HDAC4: variants seen among roughly 807,000 people sequenced by gnomAD.
The protein encoded by HDAC4 is histone deacetylase A.
HDAC4 carries 16 observed loss-of-function variants against 135.1 expected under a neutral mutation model. The observed-to-expected ratio is 0.12, with a 90% confidence interval of 0.08 to 0.18. HDAC4 has a LOEUF of 0.18. Among genes scored for constraint, HDAC4 ranks in the 10% least tolerant of loss-of-function variants. The pLI is 1.00. For missense variants in HDAC4, 1,143 were observed against 1,511.8 expected, an observed-to-expected ratio of 0.76 and a Z score of 4.05; for synonymous variants, 685 against 653.4, an observed-to-expected ratio of 1.05 and a Z score of -0.74.
At chr2:239,241,571 G>A (rs1309047028) in intron 2 of HDAC4, among the ~76,000 whole-genome samples, 3 of 152,124 alleles carry the variant, frequency 2.0e-5, no homozygotes, top group Admixed American at 2.0e-4. Context: ...CCTCTCAAAG[G>A]TCCTATTTCT....
intron 24 of HDAC4, among the ~76,000 whole-genome samples, chr2:239,066,487 CACG>C (rs1325102980): frequency 6.6e-6 from 1 of 152,240 alleles, no homozygotes; most frequent in African/African-American, 2.4e-5. Context: ...GCCATCTTCT[CACG>C]ACAAGAGGGC....
intron 9 of HDAC4, among the ~76,000 whole-genome samples, chr2:239,137,544 G>A (rs571405393): frequency 3.3e-5 from 5 of 152,168 alleles, no homozygotes; most frequent in African/African-American, 1.2e-4. Flanking sequence ...GGTCCAGGGG[G>A]CCTTCAAGGT....
chr2:239,261,308 G>A (rs1176378910), intron 2 of HDAC4, among the ~76,000 whole-genome samples: 2 of 152,292 alleles, frequency 1.3e-5, no homozygotes, highest in Non-Finnish European at 2.9e-5. Context: ...CAGGTAACAC[G>A]CTAGAGATGA....
chr2:239,374,171 C>T (rs940922116), intron 1 of HDAC4, among the ~76,000 whole-genome samples: 13 of 152,048 alleles, frequency 8.5e-5, no homozygotes, highest in African/African-American at 2.4e-4. Context: ...GAACTTCAGC[C>T]GGTGAACAGC....
intron 3 of HDAC4, among the ~76,000 whole-genome samples, chr2:239,205,272 C>G (rs1575403467): frequency 1.3e-5 from 2 of 152,132 alleles, no homozygotes; most frequent in African/African-American, 2.4e-5. Flanking sequence ...GAAAGCACAA[C>G]GATGCATGAA....
At chr2:239,132,947 T>C (rs1419430855) in intron 11 of HDAC4, among the ~76,000 whole-genome samples, 2 of 152,108 alleles carry the variant, frequency 1.3e-5, no homozygotes, top group Non-Finnish European at 2.9e-5. Flanking sequence ...CTCAGATACA[T>C]TCCTCCAGAG....
At chr2:239,387,112 G>A (rs1276292368) in intron 1 of HDAC4, among the ~76,000 whole-genome samples, 3 of 152,250 alleles carry the variant, frequency 2.0e-5, no homozygotes. Context: ...GCTGTGTGTG[G>A]CACGTGCACA....
At chr2:239,183,012 G>A (rs573581476) in intron 4 of HDAC4, among the ~76,000 whole-genome samples, 5 of 152,172 alleles carry the variant, frequency 3.3e-5, no homozygotes, top group East Asian at 1.9e-4. Flanking sequence ...CTAGTCCCTC[G>A]CTAACTTTAC....
At position 239,072,753 on chromosome 2, in the gene HDAC4, A is replaced by G. The variant is rs536343004; in HGVS notation, c.2751-4146T>C. 9.2e-5 allele frequency among the ~76,000 whole-genome samples: 14 copies of G among 152,356 alleles called. No homozygotes were observed. The East Asian group carries it at 2.1e-3, about 23-fold the overall frequency. On this transcript the variant is annotated intron_variant, in intron 22 of 26. Coordinates refer to ENST00000543185, the MANE Select transcript of HDAC4 (RefSeq NM_001378414.1). ...CCCCACTGATGTCACTGAAAGTATC[A>G]ACTTTGACCAGAAGAAACAAAAATG...
At chr2:239,346,241 C>A (rs1182249878) in intron 2 of HDAC4, among the ~76,000 whole-genome samples, 1 of 147,672 alleles carries the variant, frequency 6.8e-6, no homozygotes, top group African/African-American at 2.5e-5. Context: ...AAAACACACA[C>A]CCATACTTTA....
rs764773329 is a variant in HDAC4, at chr2:239,126,560, G to C, written c.1429C>G (p.Gln477Glu). 1 of 1,613,724 alleles carries C rather than the reference G, an allele frequency of 6.2e-7. No individual in the cohort carries two copies. Among genetic ancestry groups the C allele is most frequent in the East Asian group, 2.2e-5 (1 of 44,868 alleles). Reference protein sequence around the residue: ...LGRTQSAPLPQNAQALQHLVI... With the variant: ...LGRTQSAPLPENAQALQHLVI... Reference sequence around the variant, plus strand: ...AGGTGCTGCAGAGCCTGGGCGTTCTGGGGCAGCGGGGCCGACTGGGTCCGC... The same window carrying C: ...AGGTGCTGCAGAGCCTGGGCGTTCTCGGGCAGCGGGGCCGACTGGGTCCGC... The change falls in exon 12 of 27, where the codon CAG (glutamine) becomes GAG (glutamate). Residue 477 changes from glutamine to glutamate, a missense_variant. This residue lies in a region of HDAC4 where 272 missense variants were observed against 309.7 expected (regional missense o/e 0.88). Coordinates refer to ENST00000543185, the MANE Select transcript of HDAC4 (RefSeq NM_001378414.1).
At chr2:239,298,232 G>A (rs2052030936) in intron 2 of HDAC4, 1 of 1,289,382 alleles carries the variant, frequency 7.8e-7, no homozygotes, top group Non-Finnish European at 1.0e-6. Context: ...GAAGCAGCCA[G>A]ACCTAAGATC....
At chr2:239,083,240 G>T (rs896381308) in intron 20 of HDAC4, among the ~76,000 whole-genome samples, 1 of 152,256 alleles carries the variant, frequency 6.6e-6, no homozygotes, top group Non-Finnish European at 1.5e-5. Flanking sequence ...TCACTCTTTT[G>T]GGGATGGGTC....
At chr2:239,387,041 G>A (rs893024564) in intron 1 of HDAC4, among the ~76,000 whole-genome samples, 2 of 152,242 alleles carry the variant, frequency 1.3e-5, no homozygotes, top group Admixed American at 1.3e-4. Flanking sequence ...CTGTCCGTGC[G>A]TCTATCTGTA....
At chr2:239,212,481 C>A (rs896010901) in intron 3 of HDAC4, among the ~76,000 whole-genome samples, 1 of 152,200 alleles carries the variant, frequency 6.6e-6, no homozygotes, top group Non-Finnish European at 1.5e-5. Context: ...GGAAGCCAGT[C>A]GGGGGCTGGC....
chr2:239,107,077 C>T (rs2038210795), intron 15 of HDAC4, among the ~76,000 whole-genome samples: 1 of 152,214 alleles, frequency 6.6e-6, no homozygotes, highest in Non-Finnish European at 1.5e-5. Context: ...AGGTCACCAG[C>T]TCCCAGACGG....
At chr2:239,215,301 C>A (rs2046572012) in intron 3 of HDAC4, among the ~76,000 whole-genome samples, 1 of 152,174 alleles carries the variant, frequency 6.6e-6, no homozygotes, top group African/African-American at 2.4e-5. Context: ...CAAGTCAACA[C>A]TGGTGAGAGG....
chr2:239,075,492 C>A (rs966435955), intron 22 of HDAC4, among the ~76,000 whole-genome samples: 1 of 152,154 alleles, frequency 6.6e-6, no homozygotes. Flanking sequence ...TGGACAAATG[C>A]CTGTAAGGTG....
At chr2:239,213,913 C>T (rs964883282) in intron 3 of HDAC4, among the ~76,000 whole-genome samples, 1 of 152,342 alleles carries the variant, frequency 6.6e-6, no homozygotes, top group East Asian at 1.9e-4. Flanking sequence ...CTGCTAGTCC[C>T]CATTTCACAG....
Sources: gnomAD v4.1 joint callset for allele counts (sites outside exome capture counted in the v4.1 genomes callset) on GRCh38, gnomAD v4.1.1 for gene constraint, gnomAD v4.1.1 regional missense constraint, MANE v1.5 for transcripts, NCBI Gene and HGNC (gene_info 2026-07-23, HGNC 2026-07-21) for gene names.